The following KCNH1 variants were observed in gnomAD, a reference collection of about 807,000 sequenced individuals.
The protein encoded by KCNH1 is potassium voltage-gated channel subfamily H member 1, also known as voltage-gated delayed rectifier potassium channel KCNH1.
KCNH1 carries 27 observed loss-of-function variants against 69.2 expected under a neutral mutation model. That is an observed-to-expected ratio of 0.39 (90% CI 0.29 to 0.54). The LOEUF is 0.54. KCNH1 is among the 20% of genes least tolerant of loss of function. The pLI, the probability that KCNH1 is intolerant of heterozygous loss-of-function variation, is 0.68. For synonymous variants in KCNH1, 456 were observed against 487.7 expected, an observed-to-expected ratio of 0.93 and a Z score of 0.86; for missense variants, 798 against 1,261.6, an observed-to-expected ratio of 0.63 and a Z score of 5.57.
At chr1:210,992,825 C>CCTA (rs1228102306) in intron 6 of KCNH1, among the ~76,000 whole-genome samples, 3 of 152,164 alleles carry the variant, frequency 2.0e-5, no homozygotes, top group African/African-American at 7.2e-5. Context: ...TTTATGCTTT[C>CCTA]CCTTAATGAG....
chr1:210,985,297 A>G, intron 6 of KCNH1, among the ~76,000 whole-genome samples: 1 of 151,908 alleles, frequency 6.6e-6, no homozygotes, highest in Non-Finnish European at 1.5e-5. Context: ...TTCTGCTCTG[A>G]TCTTAGTTAT....
chr1:211,066,819 GA>G (rs1189506769), intron 5 of KCNH1, among the ~76,000 whole-genome samples: 2 of 152,122 alleles, frequency 1.3e-5, no homozygotes, highest in Admixed American at 6.5e-5. Context: ...TAACTGAGGG[GA>G]AAACTGCAGA....
chr1:210,840,365 G>A (rs934170734), intron 7 of KCNH1, among the ~76,000 whole-genome samples: 4 of 152,096 alleles, frequency 2.6e-5, no homozygotes, highest in African/African-American at 7.2e-5. Context: ...GCTAAATGAA[G>A]GGCCAAGAAA....
chr1:210,880,807 GA>G lies in KCNH1; in HGVS notation c.1462+38832del, dbSNP rs200443562. Among the ~76,000 whole-genome samples, 439 of 151,940 alleles carry G rather than the reference GA, an allele frequency of 2.9e-3. 4 individuals carry two copies. The highest frequency in any genetic ancestry group is 9.8e-3 in the African/African-American group (405 of 41,442). On this transcript the variant is annotated intron_variant, in intron 7 of 10. Coordinates refer to ENST00000271751, the MANE Select transcript of KCNH1 (RefSeq NM_172362.3). ...TGAGAAGGCAAGCCACAAAATGGGG[GA>G]AAAAATTCCAAAAGACATGTTAGAT... is the stretch of plus-strand genomic sequence containing the variant.
chr1:210,969,788 TTTG>T (rs1372194262), intron 6 of KCNH1, among the ~76,000 whole-genome samples: 6 of 152,210 alleles, frequency 3.9e-5, no homozygotes, highest in Admixed American at 3.3e-4. Flanking sequence ...TTTTAAATAA[TTTG>T]TTTTTTTAAA....
chr1:210,804,398 G>A lies in KCNH1; in HGVS notation c.1463-232C>T, dbSNP rs529201121. Among the ~76,000 whole-genome samples the A allele has an allele frequency of 9.8e-5, 15 of 152,360 alleles. No homozygotes were observed. The South Asian group carries it at 3.1e-3, about 32-fold the overall frequency. ...TACTAGGAGAAACGTGTGGGAGACA[G>A]GGCTAGGGTGCATGTGAGCTGGCAT... On this transcript the variant is annotated intron_variant, in intron 7 of 10. Coordinates refer to ENST00000271751, the MANE Select transcript of KCNH1 (RefSeq NM_172362.3).
At chr1:210,782,341 A>G (rs1684002949) in intron 9 of KCNH1, among the ~76,000 whole-genome samples, 1 of 152,172 alleles carries the variant, frequency 6.6e-6, no homozygotes, top group Non-Finnish European at 1.5e-5. Flanking sequence ...TCAAATTTAT[A>G]TGCTAAAACC....
intron 5 of KCNH1, among the ~76,000 whole-genome samples, chr1:211,075,452 AC>A (rs1690715860): frequency 6.6e-6 from 1 of 152,362 alleles, no homozygotes; most frequent in South Asian, 2.1e-4. Context: ...AAAGGGTCCC[AC>A]CATCCAAACG....
intron 6 of KCNH1, among the ~76,000 whole-genome samples, chr1:210,942,608 G>C (rs372548724): frequency 6.6e-6 from 1 of 152,208 alleles, no homozygotes; most frequent in South Asian, 2.1e-4. Flanking sequence ...TAAATAAGGA[G>C]AATAATGCCC....
In KCNH1 at chr1:210,795,860, T is replaced by C. The variant is rs548184207; in HGVS notation, c.1915+1648A>G. Among the ~76,000 whole-genome samples, 133 of 152,058 alleles carry C rather than the reference T, an allele frequency of 8.7e-4. 2 individuals carry two copies. Among genetic ancestry groups the C allele is most frequent in the East Asian group, 1.5e-3 (8 of 5,174 alleles). ...ATCAGAGGCTGGGTGTGGTGGCTCA[T>C]GCCTGTAATCCCAGCACTTTGAGAG... On this transcript the variant is annotated intron_variant, in intron 9 of 10. Coordinates refer to ENST00000271751, the MANE Select transcript of KCNH1 (RefSeq NM_172362.3).
chr1:210,898,480 T>C (rs925151906), intron 7 of KCNH1, among the ~76,000 whole-genome samples: 1 of 152,148 alleles, frequency 6.6e-6, no homozygotes, highest in Admixed American at 6.5e-5. Flanking sequence ...GGTAAATGTG[T>C]ATAATATTGG....
chr1:210,996,037 T>G (rs2102394107), intron 6 of KCNH1, among the ~76,000 whole-genome samples: 1 of 152,268 alleles, frequency 6.6e-6, no homozygotes, highest in South Asian at 2.1e-4. Flanking sequence ...ACAGCTCTGG[T>G]CTACAGCTCC....
intron 7 of KCNH1, among the ~76,000 whole-genome samples, chr1:210,898,400 G>A (rs987304582): frequency 6.6e-6 from 1 of 152,160 alleles, no homozygotes; most frequent in African/African-American, 2.4e-5. Context: ...GCATGGTTTT[G>A]CCCTCTGGTG....
Position 210,743,208 on chromosome 1 carries a change from G to A in KCNH1, c.2112+32140C>T, listed in dbSNP as rs374534880. Among the ~76,000 whole-genome samples, 25 of 152,150 alleles carry A rather than the reference G, an allele frequency of 1.6e-4. No homozygotes were observed. In the East Asian group the frequency reaches 4.3e-3, roughly 26 times the overall value. ...GCTGTCCTTTCCTAGTAGGTGTCAG[G>A]AGAGGCACTGTGTAACTGGTTTCCC... is the stretch of plus-strand genomic sequence containing the variant. On this transcript the variant is annotated intron_variant, in intron 10 of 10. Transcript: ENST00000271751.
At chr1:211,067,060 C>T (rs1188699186) in intron 5 of KCNH1, among the ~76,000 whole-genome samples, 2 of 152,108 alleles carry the variant, frequency 1.3e-5, no homozygotes, top group Non-Finnish European at 2.9e-5. Flanking sequence ...ACATCTTCCC[C>T]GCAGTAATCC....
At chr1:210,822,374 C>A (rs557128161) in intron 7 of KCNH1, among the ~76,000 whole-genome samples, 42 of 152,022 alleles carry the variant, frequency 2.8e-4, no homozygotes, top group Non-Finnish European at 5.4e-4. Context: ...TTATACCAGG[C>A]TAAGACACTT....
intron 10 of KCNH1, among the ~76,000 whole-genome samples, chr1:210,690,812 G>A (rs1681512951): frequency 6.6e-6 from 1 of 152,196 alleles, no homozygotes; most frequent in African/African-American, 2.4e-5. Flanking sequence ...GTGGCACCCT[G>A]GCCTGAAGCT....
intron 7 of KCNH1, among the ~76,000 whole-genome samples, chr1:210,875,633 C>A (rs1181327711): frequency 6.6e-6 from 1 of 151,904 alleles, no homozygotes; most frequent in East Asian, 1.9e-4. Context: ...TGAACCCCAT[C>A]TCTACTAAAA....
At chr1:210,977,377 G>A (rs112070585) in intron 6 of KCNH1, among the ~76,000 whole-genome samples, 8,888 of 151,908 alleles carry the variant, frequency 0.059, 326 homozygotes, top group East Asian at 0.18. Context: ...ACACCAACAT[G>A]GCACATGTAT....
Sources: allele counts gnomAD v4.1 joint callset (sites outside exome capture counted in the v4.1 genomes callset), GRCh38; gene constraint gnomAD v4.1.1; transcripts MANE v1.5; gene names NCBI Gene and HGNC (gene_info 2026-07-23, HGNC 2026-07-21).